NT5E: variants seen among roughly 807,000 people sequenced by gnomAD.
The protein encoded by NT5E is 5'-nucleotidase.
In NT5E, 53 loss-of-function variants were observed where a neutral mutation model predicts 55.1. The observed-to-expected ratio is 0.96, with a 90% CI of 0.77 to 1.21. The LOEUF (loss-of-function observed/expected upper bound fraction) is 1.21, where lower values mean the gene tolerates loss of function less well. Ranked by LOEUF, NT5E falls within the 50% of genes most tolerant of loss-of-function variation. The pLI is 0.00. For missense variants in NT5E, 683 were observed against 724.3 expected (o/e 0.94, Z 0.65); for synonymous variants, 270 against 278.4 (o/e 0.97, Z 0.30).
intron 1 of NT5E, among the ~76,000 whole-genome samples, chr6:85,460,631 G>A (rs1285139835): frequency 1.3e-5 from 2 of 152,146 alleles, no homozygotes; most frequent in African/African-American, 4.8e-5. Context: ...CTGAGGCCAT[G>A]TGCCAACTTC....
intron 6 of NT5E, among the ~76,000 whole-genome samples, chr6:85,489,956 C>T (rs1769747911): frequency 6.6e-6 from 1 of 152,206 alleles, no homozygotes. Context: ...GAGACAAAAT[C>T]ACCAATCTTC....
chr6:85,488,950 A>C (rs918635750), intron 5 of NT5E, among the ~76,000 whole-genome samples: 5 of 150,654 alleles, frequency 3.3e-5, no homozygotes, highest in Non-Finnish European at 1.5e-5. Context: ...TCTTATAACT[A>C]AACATATATT....
chr6:85,475,625 C>G (rs4707207), intron 3 of NT5E, among the ~76,000 whole-genome samples: 116,850 of 152,136 alleles, frequency 0.77, 45,941 homozygotes, highest in African/African-American at 0.93. Context: ...GTAGTAAAAT[C>G]AGTGCAGGTT....
chr6:85,459,550 T>A (rs978336609), intron 1 of NT5E, among the ~76,000 whole-genome samples: 1 of 152,232 alleles, frequency 6.6e-6, no homozygotes, highest in Non-Finnish European at 1.5e-5. Flanking sequence ...TGGAACATTT[T>A]TACTGCCTCA....
At chr6:85,481,639 C>T (rs1769553886) in intron 3 of NT5E, among the ~76,000 whole-genome samples, 1 of 152,084 alleles carries the variant, frequency 6.6e-6, no homozygotes, top group Non-Finnish European at 1.5e-5. Flanking sequence ...CTCTTTACTC[C>T]ATAAGGTTCC....
chr6:85,489,514 C>T lies in NT5E; in HGVS notation c.1125C>T (p.His375=), dbSNP rs776007233. 1.4e-5 allele frequency: 22 copies of T among 1,613,288 alleles called. No individual in the cohort carries two copies. The highest frequency in any genetic ancestry group is 6.7e-5 in the East Asian group (3 of 44,872). Residue 375 remains histidine, a synonymous_variant, in exon 6 of 9, where the codon CAC becomes CAT. Coordinates refer to ENST00000257770, the MANE Select transcript of NT5E (RefSeq NM_002526.4). The part of the protein sequence containing the change: ...CDAMINNNLR[H]TDEMFWNHVS... ...TGCAGATTAACAACAACCTGAGACA[C>T]ACGGATGAAATGTTCTGGAACCACG...
Position 85,450,574 on chromosome 6 carries a change from C to A in NT5E, c.339+96C>A. 8.5e-7 allele frequency: 1 copy of A among 1,181,256 alleles called. No homozygotes were observed. The highest frequency in any genetic ancestry group is 1.2e-6 in the Non-Finnish European group (1 of 818,102). 73.2% of individuals were successfully genotyped at this position (1,181,256 alleles called of 1,614,324 possible). A position where few individuals can be genotyped will look rare whatever the true frequency, so the allele number is the denominator to read the frequency against. ...ATGGCAGAGTGTGGCAAGCCTAGGT[C>A]CAGGGCGCGGAGAGATGTGGGGATA... On this transcript the variant is annotated intron_variant, in intron 1 of 8. Coordinates refer to ENST00000257770, the MANE Select transcript of NT5E (RefSeq NM_002526.4). The surrounding 1 kb of genome is among the most constrained non-coding windows in gnomAD (Gnocchi z 4.0).
At chr6:85,468,422 T>G (rs1318570674) in intron 2 of NT5E, among the ~76,000 whole-genome samples, 1 of 152,132 alleles carries the variant, frequency 6.6e-6, no homozygotes, top group Non-Finnish European at 1.5e-5. Context: ...CCTTGAGAGC[T>G]GTGTAAAACA....
Position 85,492,119 on chromosome 6 carries a change from G to C in NT5E, c.1503G>C (p.Leu501=), listed in dbSNP as rs139343924. The change falls in exon 8 of 9, where the codon CTG becomes CTC. Residue 501 remains leucine, a synonymous_variant. Transcript: ENST00000257770. The part of the protein sequence containing the change: ...EVYKVILPNF[L]ANGGDGFQMI... ...ATAAGGTGATCCTCCCAAACTTCCT[G>C]GCCAATGGTGGAGATGGGTTCCAGA... The C allele has an allele frequency of 1.2e-6, 2 of 1,614,026 alleles. No individual in the cohort carries two copies. Among genetic ancestry groups the C allele is most frequent in the Admixed American group, 3.3e-5 (2 of 60,004 alleles).
chr6:85,467,137 T>C lies in NT5E; in HGVS notation c.417T>C (p.Ile139=). The C allele has an allele frequency of 6.2e-7, 1 of 1,614,180 alleles. No individual in the cohort carries two copies. The part of the protein sequence containing the change: ...EPLLKEAKFP[I]LSANIKAKGP... ...TCCTCAAAGAGGCCAAATTTCCAAT[T>C]CTGAGTGCAAACATTAAAGCAAAGG... Residue 139 remains isoleucine (I), a synonymous_variant, in exon 2 of 9, where the codon ATT becomes ATC. Transcript: ENST00000257770.
chr6:85,489,654 T>C, intron 6 of NT5E, 55 bp downstream of exon 6: 1 of 1,310,128 alleles, frequency 7.6e-7, no homozygotes, highest in Non-Finnish European at 1.1e-6. Flanking sequence ...TGATCTCCTT[T>C]TCTGTTATGG....
At chr6:85,466,776 A>T (rs566800231) in intron 1 of NT5E, among the ~76,000 whole-genome samples, 1 of 152,296 alleles carries the variant, frequency 6.6e-6, no homozygotes, top group South Asian at 2.1e-4. Flanking sequence ...AAATGTGAAC[A>T]TTCAAACCTG....
At chr6:85,490,899 G>A in intron 7 of NT5E, 3 of 570,320 alleles carry the variant, frequency 5.3e-6, no homozygotes, top group Non-Finnish European at 9.5e-6. Flanking sequence ...GTCTGATTTG[G>A]ACATCAGATG....
At chr6:85,483,886 G>A (rs1769596676) in intron 3 of NT5E, among the ~76,000 whole-genome samples, 1 of 152,162 alleles carries the variant, frequency 6.6e-6, no homozygotes, top group Non-Finnish European at 1.5e-5. Context: ...ATACATGGTA[G>A]GCTTGTGGGT....
At chr6:85,465,151 A>G (rs1307096294) in intron 1 of NT5E, among the ~76,000 whole-genome samples, 1 of 152,190 alleles carries the variant, frequency 6.6e-6, no homozygotes, top group Non-Finnish European at 1.5e-5. Flanking sequence ...CCCATGGGGC[A>G]AGAGAGGTGA....
Position 85,487,349 on chromosome 6 carries a change from G to A in NT5E, c.964G>A (p.Ala322Thr), listed in dbSNP as rs1225489835. 2 of 1,613,274 alleles carry A rather than the reference G, an allele frequency of 1.2e-6. No homozygotes were observed. Among genetic ancestry groups the A allele is most frequent in the Non-Finnish European group, 1.7e-6 (2 of 1,179,370 alleles). The part of the protein sequence containing the change: ...SSIPEDPSIK[A>T]DINKWRIKLD... ...CTTTCTTCTAGATCCAAGCATAAAA[G>A]CAGACATTAACAAATGGAGGATAAA... The change falls in exon 5 of 9, where the codon GCA (alanine) becomes ACA (threonine). Residue 322 changes from alanine (A) to threonine (T), a missense_variant. Transcript: ENST00000257770.
intron 1 of NT5E, among the ~76,000 whole-genome samples, chr6:85,455,588 C>G (rs370570332): frequency 5.3e-5 from 8 of 152,246 alleles, no homozygotes; most frequent in African/African-American, 1.9e-4. Flanking sequence ...TTATAATAAA[C>G]CAATGAGTGA....
rs757840941 is a variant in NT5E, at chr6:85,471,388, C to A, written c.714C>A (p.Val238=). Residue 238 remains valine (V), a synonymous_variant, in exon 3 of 9, where the codon GTC becomes GTA. Transcript: ENST00000257770. ...LIAQKVRGVD[V]VVGGHSNTFL... ...CTCAGAAAGTGAGGGGTGTGGACGTCGTGGTGGGAGGACACTCCAACACAT... is the reference window on the plus strand; with the variant it reads ...CTCAGAAAGTGAGGGGTGTGGACGTAGTGGTGGGAGGACACTCCAACACAT... The A allele has an allele frequency of 6.2e-7, 1 of 1,612,800 alleles. No individual in the cohort carries two copies. The highest frequency in any genetic ancestry group is 8.5e-7 in the Non-Finnish European group (1 of 1,179,166).
chr6:85,491,498 C>T (rs1194452912), intron 7 of NT5E, among the ~76,000 whole-genome samples: 1 of 152,204 alleles, frequency 6.6e-6, no homozygotes, highest in Admixed American at 6.5e-5. Context: ...CTCCATTTTC[C>T]CAGAAGGGAG....
Sources: allele counts gnomAD v4.1 joint callset (sites outside exome capture counted in the v4.1 genomes callset), GRCh38; gene constraint gnomAD v4.1.1; non-coding constraint Gnocchi (gnomAD v3.1); transcripts MANE v1.5; gene names NCBI Gene and HGNC (gene_info 2026-07-23, HGNC 2026-07-21).